Variants in MCPH1 observed in about 807,000 individuals in gnomAD.
The protein encoded by MCPH1 is microcephalin.
MCPH1 carries 104 observed loss-of-function variants against 84.5 expected under a neutral mutation model. That is an observed-to-expected ratio of 1.23 (90% confidence interval 1.05 to 1.45). The LOEUF (loss-of-function observed/expected upper bound fraction) is 1.45. Ranked by LOEUF, MCPH1 falls within the 40% of genes most tolerant of loss-of-function variation. The pLI is 0.00. For missense variants in MCPH1, 1,498 were observed against 1,005.7 expected (o/e 1.49, Z -6.62); for synonymous variants, 514 against 366.8 (o/e 1.40, Z -4.58).
intron 13 of MCPH1, among the ~76,000 whole-genome samples, chr8:6,636,922 A>C (rs1288066363): frequency 6.6e-6 from 1 of 152,238 alleles, no homozygotes; most frequent in Non-Finnish European, 1.5e-5. Context: ...TTGGTGTGGT[A>C]GGAGTCACAC....
chr8:6,590,205 C>A (rs7830046), intron 12 of MCPH1, among the ~76,000 whole-genome samples: 6,049 of 70,392 alleles, frequency 0.086, 322 homozygotes, highest in African/African-American at 0.21. Context: ...AAGTGAACAA[C>A]AAAAAAAAAA....
rs1162983820 is a variant in MCPH1 at position 6,466,151 on chromosome 8, T to C, written c.1935+10899T>C. ...TGGATTTTTTTTTTTTTTTTTTTTT[T>C]TCCTGAGACAGAGTCTTGCTCTATC... On this transcript the variant is annotated intron_variant, in intron 9 of 13. Coordinates refer to ENST00000344683, the MANE Select transcript of MCPH1 (RefSeq NM_024596.5). Among the ~76,000 whole-genome samples the C allele has an allele frequency of 6.1e-4, 54 of 88,994 alleles. 1 individual carries two copies. The highest frequency in any genetic ancestry group is 5.0e-3 in the Admixed American group (39 of 7,776). The allele number at this position is 88,994 out of a possible 152,430, so 58.4% of individuals were successfully genotyped here. A position where few individuals can be genotyped will look rare whatever the true frequency, so the allele number is the denominator to read the frequency against.
chr8:6,466,220 T>G (rs1806923121), intron 9 of MCPH1, among the ~76,000 whole-genome samples: 1 of 144,758 alleles, frequency 6.9e-6, no homozygotes, highest in African/African-American at 2.5e-5. Context: ...CATTGCAACC[T>G]CCGCTTCCCA....
At chr8:6,559,230 AACACACACACACACACAC>A (rs59299448) in intron 12 of MCPH1, among the ~76,000 whole-genome samples, 1 of 146,724 alleles carries the variant, frequency 6.8e-6, no homozygotes, top group Admixed American at 6.8e-5. Flanking sequence ...CACACACGAC[AACACACACACACACACAC>A]ACACACACAC....
At chr8:6,420,751 A>G (rs1042125088) in intron 3 of MCPH1, among the ~76,000 whole-genome samples, 6 of 152,212 alleles carry the variant, frequency 3.9e-5, no homozygotes, top group Admixed American at 1.3e-4. Context: ...TTTCTTATAC[A>G]TAAGCAAATG....
chr8:6,531,782 C>G (rs1819566729), intron 12 of MCPH1, among the ~76,000 whole-genome samples: 1 of 116,188 alleles, frequency 8.6e-6, no homozygotes, highest in South Asian at 2.6e-4. Context: ...TGGCAGCGCT[C>G]AGGGCTCTTG....
intron 11 of MCPH1, chr8:6,494,539 TA>T (rs1811027743): frequency 6.6e-6 from 1 of 152,168 alleles, no homozygotes; most frequent in African/African-American, 2.4e-5. Flanking sequence ...CAATAAATAT[TA>T]AATATCGTTA....
In MCPH1 at chr8:6,512,560, G is replaced by A. The variant is rs76313047; in HGVS notation, c.2214+12631G>A. On this transcript the variant is annotated intron_variant, in intron 12 of 13. Transcript: ENST00000344683. ...GCTCTTTAGACTCCTTTAGGCTGGC[G>A]TTGGTGCCAGTGGGCACACAGTCTC... Among the ~76,000 whole-genome samples the A allele has an allele frequency of 7.5e-3, 1,141 of 152,246 alleles. 16 individuals are homozygous for A. The highest frequency in any genetic ancestry group is 0.026 in the African/African-American group (1,081 of 41,558).
chr8:6,522,762 A>G (rs1817609449), intron 12 of MCPH1, among the ~76,000 whole-genome samples: 1 of 150,002 alleles, frequency 6.7e-6, no homozygotes, highest in African/African-American at 2.5e-5. Flanking sequence ...CAACAGAGCG[A>G]GACATCGTCT....
chr8:6,602,290 A>G (rs1362915242), intron 12 of MCPH1, among the ~76,000 whole-genome samples: 1 of 152,204 alleles, frequency 6.6e-6, no homozygotes, highest in East Asian at 1.9e-4. Context: ...CACGGGCTGG[A>G]GCAGGAGAGG....
chr8:6,633,032 A>T (rs149426359), intron 13 of MCPH1, among the ~76,000 whole-genome samples: 1 of 152,252 alleles, frequency 6.6e-6, no homozygotes, highest in African/African-American at 2.4e-5. Context: ...TTAAAAAAAA[A>T]AAAAACTCTT....
chr8:6,502,889 T>C, intron 12 of MCPH1: 4 of 550,000 alleles, frequency 7.3e-6, no homozygotes, highest in Non-Finnish European at 9.6e-6. Context: ...ATCACAATTA[T>C]GGATGTTTAG....
rs1003241682 is a variant in MCPH1 at position 6,433,202 on chromosome 8, G to A, written c.321+1616G>A. Among the ~76,000 whole-genome samples the A allele has an allele frequency of 1.2e-4, 19 of 152,266 alleles. 1 individual carries two copies. The highest frequency in any genetic ancestry group is 4.3e-4 in the African/African-American group (18 of 41,556). On this transcript the variant is annotated intron_variant, in intron 4 of 13. Transcript: ENST00000344683. ...CGGTATTCATGTACTTTTAGTCACT[G>A]TCAGTTTTTGCTAAGTATATTACTT... is the stretch of plus-strand genomic sequence containing the variant.
At chr8:6,463,543 C>T (rs891842917) in intron 9 of MCPH1, among the ~76,000 whole-genome samples, 16 of 151,966 alleles carry the variant, frequency 1.1e-4, no homozygotes, top group African/African-American at 3.6e-4. Flanking sequence ...AGAGAAGGAG[C>T]CTTGCAGTGG....
At chr8:6,457,798 G>C (rs1805861585) in intron 9 of MCPH1, among the ~76,000 whole-genome samples, 1 of 152,088 alleles carries the variant, frequency 6.6e-6, no homozygotes, top group East Asian at 1.9e-4. Flanking sequence ...TCTTTCGCAG[G>C]ATTTTCTTCC....
intron 12 of MCPH1, among the ~76,000 whole-genome samples, chr8:6,606,162 C>T (rs981503791): frequency 2.0e-5 from 3 of 152,200 alleles, no homozygotes; most frequent in Admixed American, 2.0e-4. Context: ...TTGCAAGATT[C>T]TGGAGAGTAC....
At chr8:6,636,840 C>T (rs1186141364) in intron 13 of MCPH1, among the ~76,000 whole-genome samples, 1 of 152,172 alleles carries the variant, frequency 6.6e-6, no homozygotes, top group Non-Finnish European at 1.5e-5. Context: ...CATTTCTGGT[C>T]TCCAGCATTT....
At chr8:6,519,974 C>G (rs141170504) in intron 12 of MCPH1, 3 of 1,614,026 alleles carry the variant, frequency 1.9e-6, no homozygotes, top group Non-Finnish European at 2.5e-6. Flanking sequence ...TCTTCTTTAG[C>G]AACAGTGGGG....
At chr8:6,456,443 C>T (rs1805687060) in intron 9 of MCPH1, among the ~76,000 whole-genome samples, 1 of 152,166 alleles carries the variant, frequency 6.6e-6, no homozygotes, top group Non-Finnish European at 1.5e-5. Context: ...TGCTACATGG[C>T]CGCTTGACCT....
Sources: gnomAD v4.1 joint callset for allele counts (sites outside exome capture counted in the v4.1 genomes callset) on GRCh38, gnomAD v4.1.1 for gene constraint, MANE v1.5 for transcripts, NCBI Gene and HGNC (gene_info 2026-07-23, HGNC 2026-07-21) for gene names.